The following SMYD4 variants were observed in gnomAD, a reference collection of about 807,000 sequenced individuals.
SMYD4 encodes the protein SET and MYND domain containing 4.
SMYD4 carries 68 observed loss-of-function variants against 72.8 expected under a neutral mutation model. The ratio of observed to expected loss-of-function variants is 0.93; its 90% CI spans 0.77 to 1.14. The LOEUF (loss-of-function observed/expected upper bound fraction) is 1.14, where lower values mean the gene tolerates loss of function less well. Ranked by LOEUF, SMYD4 falls within the 50% of genes most tolerant of loss-of-function variation. The pLI is 0.00. For synonymous variants in SMYD4, 407 were observed against 388.6 expected (o/e 1.05, Z -0.56); for missense variants, 984 against 1,003.7 (o/e 0.98, Z 0.27).
intron 2 of SMYD4, among the ~76,000 whole-genome samples, chr17:1,816,383 G>A (rs1445303296): frequency 6.6e-6 from 1 of 151,826 alleles, no homozygotes; most frequent in Non-Finnish European, 1.5e-5. Flanking sequence ...ACTTTGGGAG[G>A]CCGAGGCGGG....
Position 1,781,096 on chromosome 17 carries a change from T to C in SMYD4, c.*190A>G. On this transcript the variant is annotated 3_prime_UTR_variant, in exon 11 of 11. Coordinates refer to ENST00000305513, the MANE Select transcript of SMYD4 (RefSeq NM_052928.3). The stretch of plus-strand genomic sequence containing the variant: ...CACCACGCCTGGCTAGTTTTTTGTA[T>C]TTTTAGTAAAGATGGGGTTTCACCA... The C allele has an allele frequency of 1.7e-6, 1 of 597,784 alleles. No individual in the cohort carries two copies. Among genetic ancestry groups the C allele is most frequent in the East Asian group, 4.2e-5 (1 of 24,042 alleles). 37.0% of individuals were successfully genotyped at this position (597,784 alleles called of 1,614,324 possible).
intron 4 of SMYD4, among the ~76,000 whole-genome samples, chr17:1,803,112 C>T (rs774696601): frequency 9.2e-5 from 14 of 152,152 alleles, no homozygotes; most frequent in Non-Finnish European, 1.8e-4. Flanking sequence ...ACTGCACTGA[C>T]GCCTGGGCGA....
chr17:1,813,064 G>A (rs181359762), intron 2 of SMYD4, among the ~76,000 whole-genome samples: 4 of 151,994 alleles, frequency 2.6e-5, no homozygotes, highest in Non-Finnish European at 4.4e-5. Flanking sequence ...TCACCCTCCC[G>A]AGTAGCGGGG....
At chr17:1,820,499 C>T (rs547147714) in intron 2 of SMYD4, among the ~76,000 whole-genome samples, 1 of 152,330 alleles carries the variant, frequency 6.6e-6, no homozygotes, top group South Asian at 2.1e-4. Flanking sequence ...CTAAGCCTCC[C>T]AAAGTGTTGG....
chr17:1,822,505 C>A (rs1910948306), intron 2 of SMYD4, among the ~76,000 whole-genome samples: 1 of 152,176 alleles, frequency 6.6e-6, no homozygotes, highest in Admixed American at 6.5e-5. Flanking sequence ...ATAATTCCTA[C>A]ATTATATAAG....
chr17:1,807,418 G>GCC (rs34278953), intron 3 of SMYD4, among the ~76,000 whole-genome samples: 22 of 147,790 alleles, frequency 1.5e-4, no homozygotes, highest in East Asian at 4.0e-4. Context: ...TCCGCGTACC[G>GCC]CCCCCCCCGG....
At chr17:1,812,802 C>G (rs28496742) in intron 2 of SMYD4, among the ~76,000 whole-genome samples, 47,856 of 151,868 alleles carry the variant, frequency 0.32, 7,966 homozygotes, top group African/African-American at 0.4. Context: ...ACCTGCCTCA[C>G]CCTCCCAAAG....
Position 1,794,069 on chromosome 17 carries a change from G to GTGTACA in SMYD4, c.1537+5787_1537+5788insTGTACA, listed in dbSNP as rs1280064134. On this transcript the variant is annotated intron_variant, in intron 5 of 10. Coordinates refer to ENST00000305513, the MANE Select transcript of SMYD4 (RefSeq NM_052928.3). ...TATATATATGTGTGTATATATATGT[G>GTGTACA]TATATATATGTGTATATATATATAT... 3.7e-4 allele frequency among the ~76,000 whole-genome samples: 25 copies of GTGTACA among 67,956 alleles called. No homozygotes were observed. In the East Asian group the frequency reaches 6.3e-3, roughly 17 times the overall value. 44.6% of individuals were successfully genotyped at this position (67,956 alleles called of 152,430 possible).
chr17:1,804,744 T>A (rs761416486), intron 3 of SMYD4, 29 bp from the exon 4 acceptor site: 1 of 1,600,578 alleles, frequency 6.2e-7, no homozygotes, highest in Admixed American at 1.7e-5. Context: ...GTTAAAAGTA[T>A]AAATGGACAC....
At chr17:1,828,246 G>C (rs1208974533) in intron 1 of SMYD4, among the ~76,000 whole-genome samples, 1 of 151,810 alleles carries the variant, frequency 6.6e-6, no homozygotes, top group Non-Finnish European at 1.5e-5. Context: ...AGCTACTCGG[G>C]AGGCTGAGGC....
Position 1,787,624 on chromosome 17 carries a change from G to T in SMYD4, c.1538-20C>A. ...TAGGTCCTGAAAGGGCAAGAGGAAA[G>T]AAGGAAAAAGGTGTCAGCACATGAG... is the stretch of plus-strand genomic sequence containing the variant. On this transcript the variant is annotated intron_variant, in intron 5 of 10. Transcript: ENST00000305513. 1 of 1,554,072 alleles carries T rather than the reference G, an allele frequency of 6.4e-7. No individual in the cohort carries two copies. Among genetic ancestry groups the T allele is most frequent in the Non-Finnish European group, 8.7e-7 (1 of 1,149,998 alleles).
chr17:1,796,448 T>C (rs1909417094), intron 5 of SMYD4, among the ~76,000 whole-genome samples: 1 of 151,568 alleles, frequency 6.6e-6, no homozygotes, highest in Admixed American at 6.6e-5. Flanking sequence ...AGGTATTCTT[T>C]TTTTTTTGAG....
intron 2 of SMYD4, among the ~76,000 whole-genome samples, chr17:1,814,121 A>G (rs1038447630): frequency 6.6e-6 from 1 of 152,136 alleles, no homozygotes; most frequent in Non-Finnish European, 1.5e-5. Context: ...CCTGGGCAAC[A>G]TGGGAAGACC....
At chr17:1,804,039 C>T (rs1909908673) in intron 4 of SMYD4, among the ~76,000 whole-genome samples, 3 of 151,456 alleles carry the variant, frequency 2.0e-5, no homozygotes, top group East Asian at 2.0e-4. Flanking sequence ...CCATGCCCAG[C>T]TCATTTTTTG....
chr17:1,827,234 C>G lies in SMYD4; in HGVS notation c.134+627G>C, dbSNP rs780174480. Among the ~76,000 whole-genome samples the G allele has an allele frequency of 2.7e-5, 4 of 150,722 alleles. No individual in the cohort carries two copies. In the East Asian group the frequency reaches 7.7e-4, roughly 29 times the overall value. On this transcript the variant is annotated intron_variant, in intron 2 of 10. Coordinates refer to ENST00000305513, the MANE Select transcript of SMYD4 (RefSeq NM_052928.3). ...GTGTGCGACTGTAATCCCAAATACT[C>G]GGGAAGCTGAGATACGAGAATTGCC...
chr17:1,795,747 G>GTTTTTTTTTTTTTTT (rs368038317), intron 5 of SMYD4, among the ~76,000 whole-genome samples: 3 of 128,464 alleles, frequency 2.3e-5, no homozygotes, highest in African/African-American at 9.5e-5. Flanking sequence ...TGGCCCGTGA[G>GTTTTTTTTTTTTTTT]TTTTTTTTTT....
rs373633109 is a variant in SMYD4 at position 1,800,174 on chromosome 17, G to A, written c.1220C>T (p.Thr407Ile). The A allele has an allele frequency of 6.2e-7, 1 of 1,610,988 alleles. No homozygotes were observed. ...ATTAATATCGCATCCAGGAATTGGG[G>A]TCTCAACGATGTTGCCATTTTTCTC... ...ESEKNGNIVE[T>I]PIPGCDINGK... Residue 407 changes from threonine to isoleucine, a missense_variant, in exon 5 of 11, where the codon ACC (threonine) becomes ATC (isoleucine). Thr to Ile is a moderately conservative substitution (Grantham distance 89). Coordinates refer to ENST00000305513, the MANE Select transcript of SMYD4 (RefSeq NM_052928.3).
chr17:1,817,796 C>G (rs1244268865), intron 2 of SMYD4, among the ~76,000 whole-genome samples: 1 of 151,988 alleles, frequency 6.6e-6, no homozygotes, highest in African/African-American at 2.4e-5. Flanking sequence ...GGATCACGCC[C>G]CAGAACTTTG....
At chr17:1,820,307 A>G (rs892312884) in intron 2 of SMYD4, among the ~76,000 whole-genome samples, 6 of 151,824 alleles carry the variant, frequency 4.0e-5, no homozygotes, top group Non-Finnish European at 5.9e-5. Context: ...TGGTACCATC[A>G]TAGCTCACGA....
Sources: gnomAD v4.1 joint callset for allele counts (sites outside exome capture counted in the v4.1 genomes callset) on GRCh38, gnomAD v4.1.1 for gene constraint, MANE v1.5 for transcripts, NCBI Gene and HGNC (gene_info 2026-07-23, HGNC 2026-07-21) for gene names.